TSPOAP1: variants seen among roughly 807,000 people sequenced by gnomAD.
TSPOAP1 encodes peripheral-type benzodiazepine receptor-associated protein 1.
In TSPOAP1, 87 loss-of-function variants were observed where a neutral mutation model predicts 197.0. The ratio of observed to expected loss-of-function variants is 0.44; its 90% confidence interval spans 0.37 to 0.53. The LOEUF (loss-of-function observed/expected upper bound fraction) is 0.53. TSPOAP1 is among the 20% of genes least tolerant of loss of function. The probability of loss-of-function intolerance (pLI) is 0.00; values close to 1 mark genes in which losing one functional copy is unlikely to be tolerated. For missense variants in TSPOAP1, 2,174 were observed against 2,411.3 expected, an observed-to-expected ratio of 0.90 and a Z score of 2.06; for synonymous variants, 913 against 998.9, an observed-to-expected ratio of 0.91 and a Z score of 1.62.
Position 58,310,170 on chromosome 17 carries a change from G to A in TSPOAP1, c.3700-12C>T. On this transcript the variant is annotated splice_polypyrimidine_tract_variant and intron_variant, in intron 20 of 31. Transcript: ENST00000343736. Reference sequence around the variant, plus strand: ...GCTGTGTCCTCCTTCTGCAAGAAGTGAGGCAAGGCAGGAGAGATAAGGACA... The same window carrying A: ...GCTGTGTCCTCCTTCTGCAAGAAGTAAGGCAAGGCAGGAGAGATAAGGACA... The A allele has an allele frequency of 1.2e-6, 2 of 1,609,764 alleles. No homozygotes were observed. The highest frequency in any genetic ancestry group is 1.7e-6 in the Non-Finnish European group (2 of 1,178,668).
Position 58,322,137 on chromosome 17 carries a change from T to TC in TSPOAP1, c.1422+170dup. On this transcript the variant is annotated intron_variant, in intron 10 of 31. Transcript: ENST00000343736. This position sits in a 1 kb window ranked among gnomAD's most constrained non-coding sequence, Gnocchi z 5.0. ...CCACTGTGCTCATCAGTGTCTGAAA[T>TC]CAGCTCACTCCTGGATGCTAATTTG... The TC allele has an allele frequency of 1.6e-6, 1 of 627,556 alleles. No homozygotes were observed. Among genetic ancestry groups the TC allele is most frequent in the African/African-American group, 1.8e-5 (1 of 54,462 alleles). 38.9% of individuals were successfully genotyped at this position (627,556 alleles called of 1,614,324 possible).
At position 58,312,244 on chromosome 17, in the gene TSPOAP1, G is replaced by C. The variant is rs569280620; in HGVS notation, c.2577C>G (p.Val859=). The C allele has an allele frequency of 2.7e-4, 431 of 1,612,646 alleles. 2 individuals carry two copies. Among genetic ancestry groups the C allele is most frequent in the Non-Finnish European group, 2.5e-5 (30 of 1,179,734 alleles). Residue 859 remains valine (V), a synonymous_variant, in exon 17 of 32, where the codon GTC becomes GTG. Coordinates refer to ENST00000343736, the MANE Select transcript of TSPOAP1 (RefSeq NM_004758.4). ...AGCTGCCCCGGCTAGTCAGGGCCTG[G>C]ACAGAAATGTGAAGGGGCCCGGCCC... ...DLWAGPLHIS[V]QALTSRGSSD... is the part of the protein sequence containing the mutation.
chr17:58,322,778 T>C lies in TSPOAP1; in HGVS notation c.1195-2A>G, dbSNP rs1223583873. On this transcript the variant is annotated splice_acceptor_variant, in intron 8 of 31. Transcript: ENST00000343736. LOFTEE classifies it high-confidence loss of function. This position sits in a 1 kb window ranked among gnomAD's most constrained non-coding sequence, Gnocchi z 5.0. ...CAGCTCCGCATTCTCCCACTCCACC[T>C]GGCGAGGGGGCAGTGACAGGGAGTT... 1 of 1,612,434 alleles carries C rather than the reference T, an allele frequency of 6.2e-7. No individual in the cohort carries two copies. The highest frequency in any genetic ancestry group is 8.5e-7 in the Non-Finnish European group (1 of 1,179,868).
In TSPOAP1 at chr17:58,304,443, C is replaced by T. The variant is rs531701792; in HGVS notation, c.5545-44G>A. 14 of 1,556,766 alleles carry T rather than the reference C, an allele frequency of 9.0e-6. No homozygotes were observed. Among genetic ancestry groups the T allele is most frequent in the African/African-American group, 6.8e-5 (5 of 73,820 alleles). ...GAGAGGAGATGGGTTACCGACAGAC[C>T]CGCACCTTCTCCGCCCGGCCACCAG... is the stretch of plus-strand genomic sequence containing the variant. On this transcript the variant is annotated intron_variant, in intron 30 of 31. Transcript: ENST00000343736. This position sits in a 1 kb window ranked among gnomAD's most constrained non-coding sequence, Gnocchi z 4.2.
rs1478714841 is a variant in TSPOAP1 at position 58,311,705 on chromosome 17, G to C, written c.2947C>G (p.Leu983Val). The C allele has an allele frequency of 1.7e-5, 27 of 1,583,744 alleles. No individual in the cohort carries two copies. The highest frequency in any genetic ancestry group is 5.4e-5 in the African/African-American group (4 of 74,216). ...GGCCCAGGCTCGATCTGCACATCCA[G>C]AGGGGCATCAGGTGGGCCTGGGGGC... ...TLPAGPPDAP[L>V]DVQIEPGPSP... is the part of the protein sequence containing the mutation. Residue 983 changes from leucine to valine, a missense_variant, in exon 18 of 32, where the codon CTG becomes GTG. Physicochemically the swap from Leu to Val is conservative, Grantham distance 32. Around this residue, in one of 5 missense-constraint regions of TSPOAP1, gnomAD observed 1,933 missense variants for 2,139.0 expected, o/e 0.90. Coordinates refer to ENST00000343736, the MANE Select transcript of TSPOAP1 (RefSeq NM_004758.4).
intron 11 of TSPOAP1, 127 bp downstream of exon 11, chr17:58,320,404 C>A (rs1361197090): frequency 1.7e-6 from 2 of 1,184,538 alleles, no homozygotes; most frequent in Non-Finnish European, 2.3e-6. Flanking sequence ...CCCCCAGGTC[C>A]TGGAGCATTT....
chr17:58,325,031 G>A (rs970304400), intron 4 of TSPOAP1, 29 bp from the exon 5 acceptor site: 21 of 1,496,494 alleles, frequency 1.4e-5, no homozygotes, highest in Admixed American at 4.2e-5. Context: ...GACAGGGAGG[G>A]GACTCAGGCC....
In TSPOAP1 at chr17:58,310,715, C is replaced by A; in HGVS notation, c.3496G>T (p.Glu1166Ter). Residue 1166 changes from glutamate to a stop codon, truncating the protein, a stop_gained, in exon 20 of 32, where the codon GAG becomes TAG. Transcript: ENST00000343736. LOFTEE classifies it high-confidence loss of function. ...AGGGTAGATGTGCTGGCTGTCCTCTCCTCTGAGGTGCCCAGCACTGCTGCC... is the reference window on the plus strand; with the variant it reads ...AGGGTAGATGTGCTGGCTGTCCTCTACTCTGAGGTGCCCAGCACTGCTGCC... ...AGAAVLGTSEERTASTSTLGE... is the reference protein window; with the variant it reads ...AGAAVLGTSE 6.2e-7 allele frequency: 1 copy of A among 1,612,964 alleles called. No homozygotes were observed. Among genetic ancestry groups the A allele is most frequent in the Non-Finnish European group, 8.5e-7 (1 of 1,179,984 alleles).
At chr17:58,308,052 A>G in intron 22 of TSPOAP1, 111 bp from the exon 23 acceptor site, 2 of 1,104,838 alleles carry the variant, frequency 1.8e-6, no homozygotes, top group Non-Finnish European at 1.3e-6. Flanking sequence ...GCAGGAGCAC[A>G]GCATTCCTCT....
At chr17:58,320,330 A>T (rs1443663079) in intron 11 of TSPOAP1, among the ~76,000 whole-genome samples, 1 of 152,150 alleles carries the variant, frequency 6.6e-6, no homozygotes, top group Non-Finnish European at 1.5e-5. Flanking sequence ...TGCTGCCACC[A>T]GACTTGGGAG....
chr17:58,317,456 G>A (rs1178853117), intron 14 of TSPOAP1, among the ~76,000 whole-genome samples: 1 of 152,204 alleles, frequency 6.6e-6, no homozygotes, highest in Non-Finnish European at 1.5e-5. Context: ...TGCTGGGGTA[G>A]CCTGGGGAAC....
chr17:58,307,725 C>A lies in TSPOAP1; in HGVS notation c.4869G>T (p.Gln1623His). ...CCACAAAGATCCTGACGGGTAGGTG[C>A]TGGTAAGCCAGTGTTTCTGAGGGGC... ...ARSPSETLAY[Q>H]HLPVRIFVAL... is the part of the protein sequence containing the mutation. Residue 1623 changes from glutamine (Q) to histidine (H), a missense_variant, in exon 24 of 32, where the codon CAG becomes CAT. Physicochemically the swap from Gln to His is conservative, Grantham distance 24. Transcript: ENST00000343736. 6.2e-7 allele frequency: 1 copy of A among 1,614,180 alleles called. No individual in the cohort carries two copies. Among genetic ancestry groups the A allele is most frequent in the South Asian group, 1.1e-5 (1 of 91,088 alleles).
At position 58,309,962 on chromosome 17, in the gene TSPOAP1, GT is replaced by G; in HGVS notation, c.3891+4del. On this transcript the variant is annotated splice_donor_region_variant and intron_variant, in intron 21 of 31. Transcript: ENST00000343736. This position sits in a 1 kb window ranked among gnomAD's most constrained non-coding sequence, Gnocchi z 5.0. ...GGGCCCAACAGCCCATCCCTACCCC[GT>G]TACCTTGGCCCCATTCTCCCTGATG... The G allele has an allele frequency of 6.2e-7, 1 of 1,606,868 alleles. No homozygotes were observed.
chr17:58,302,070 G>A lies in TSPOAP1; in HGVS notation c.*410C>T. ...CAGTTTCCCCTCCTGTAGGAGGAAG[G>A]TGCTTCTCTAGAGAGTTCATCCTTA... On this transcript the variant is annotated 3_prime_UTR_variant, in exon 32 of 32. Coordinates refer to ENST00000343736, the MANE Select transcript of TSPOAP1 (RefSeq NM_004758.4). 1 of 379,782 alleles carries A rather than the reference G, an allele frequency of 2.6e-6. No individual in the cohort carries two copies. Among genetic ancestry groups the A allele is most frequent in the Non-Finnish European group, 4.7e-6 (1 of 212,748 alleles). The allele number at this position is 379,782 out of a possible 1,614,324, so 23.5% of individuals were successfully genotyped here.
chr17:58,318,612 T>C (rs1971310623), intron 13 of TSPOAP1, among the ~76,000 whole-genome samples, 160 bp from the exon 14 acceptor site: 1 of 152,182 alleles, frequency 6.6e-6, no homozygotes, highest in African/African-American at 2.4e-5. Flanking sequence ...GAGGTATAGC[T>C]GATTTACAAA....
At chr17:58,315,198 G>C (rs1248783924) in intron 16 of TSPOAP1, among the ~76,000 whole-genome samples, 1 of 152,186 alleles carries the variant, frequency 6.6e-6, no homozygotes, top group South Asian at 2.1e-4. Context: ...GGTCTCAGCA[G>C]CTCCTCAAGT....
At chr17:58,308,007 C>T (rs1446764799) in intron 22 of TSPOAP1, 66 bp from the exon 23 acceptor site, 3 of 1,443,254 alleles carry the variant, frequency 2.1e-6, no homozygotes, top group Non-Finnish European at 2.8e-6. Flanking sequence ...CGTGCTCCCC[C>T]AGCTCTGCCC....
At position 58,311,585 on chromosome 17, in the gene TSPOAP1, C is replaced by T. The variant is rs1448931725; in HGVS notation, c.3067G>A (p.Ala1023Thr). 1.9e-6 allele frequency: 3 copies of T among 1,588,728 alleles called. No individual in the cohort carries two copies. The highest frequency in any genetic ancestry group is 4.5e-5 in the East Asian group (2 of 44,482). ...CAGGGCTATACCTTCTGCCCATCAG[C>T]GTAGATGGCATAGCCTGTGACCCGG... ...GVRVTGYAIYADGQKIMEVAS... is the reference protein window; with the variant it reads ...GVRVTGYAIYTDGQKIMEVAS... Residue 1023 changes from alanine to threonine, a missense_variant, in exon 18 of 32, where the codon GCT becomes ACT. By Grantham distance (58) the Ala-to-Thr change is moderately conservative (BLOSUM62 0). Around this residue, in one of 5 missense-constraint regions of TSPOAP1, gnomAD observed 1,933 missense variants for 2,139.0 expected, o/e 0.90. Coordinates refer to ENST00000343736, the MANE Select transcript of TSPOAP1 (RefSeq NM_004758.4).
At chr17:58,318,130 C>T (rs1971295818) in intron 14 of TSPOAP1, 150 bp downstream of exon 14, 7 of 1,005,706 alleles carry the variant, frequency 7.0e-6, no homozygotes, top group Non-Finnish European at 8.6e-6. Context: ...GCCTCGCCCA[C>T]AGGAGGAATC....
Sources: gnomAD v4.1 joint callset for allele counts (sites outside exome capture counted in the v4.1 genomes callset) on GRCh38, gnomAD v4.1.1 for gene constraint, gnomAD v4.1.1 regional missense constraint, Gnocchi (gnomAD v3.1) non-coding constraint, MANE v1.5 for transcripts, NCBI Gene and HGNC (gene_info 2026-07-23, HGNC 2026-07-21) for gene names.